Variants in PTPN14 observed in about 807,000 individuals in gnomAD.
The protein encoded by PTPN14 is protein tyrosine phosphatase non-receptor type 14.
In PTPN14, 53 loss-of-function variants were observed where a neutral mutation model predicts 126.8. The ratio of observed to expected loss-of-function variants is 0.42; its 90% confidence interval spans 0.34 to 0.53. PTPN14 has a LOEUF of 0.53. Among genes scored for constraint, PTPN14 ranks in the 20% least tolerant of loss-of-function variants. PTPN14 has a pLI of 0.08. For synonymous variants in PTPN14, 630 were observed against 599.3 expected (o/e 1.05, Z -0.75); for missense variants, 1,257 against 1,552.9 (o/e 0.81, Z 3.20).
intron 2 of PTPN14, among the ~76,000 whole-genome samples, chr1:214,455,291 G>A (rs771898954): frequency 1.3e-5 from 2 of 152,184 alleles, no homozygotes; most frequent in Non-Finnish European, 2.9e-5. Context: ...TTTGAAAGCT[G>A]AGCTTAGCTG....
chr1:214,501,357 A>C (rs943876793), intron 1 of PTPN14, among the ~76,000 whole-genome samples: 1 of 152,092 alleles, frequency 6.6e-6, no homozygotes, highest in Non-Finnish European at 1.5e-5. Context: ...CTCCTGCCTC[A>C]GCCTCCCGAG....
At chr1:214,507,097 A>T (rs569630311) in intron 1 of PTPN14, among the ~76,000 whole-genome samples, 1 of 152,288 alleles carries the variant, frequency 6.6e-6, no homozygotes, top group East Asian at 1.9e-4. Context: ...GTGATATGCA[A>T]ATGTTATTTG....
intron 11 of PTPN14, among the ~76,000 whole-genome samples, chr1:214,388,494 C>A (rs1658675981): frequency 6.6e-6 from 1 of 151,982 alleles, no homozygotes; most frequent in Non-Finnish European, 1.5e-5. Context: ...GCAACCTCCG[C>A]CTCCCGGGTT....
At position 214,359,036 on chromosome 1, in the gene PTPN14, G is replaced by A. The variant is rs926925761; in HGVS notation, c.3436-986C>T. Among the ~76,000 whole-genome samples the A allele has an allele frequency of 4.6e-5, 7 of 151,862 alleles. No homozygotes were observed. The South Asian group carries it at 8.4e-4, about 18-fold the overall frequency. On this transcript the variant is annotated intron_variant, in intron 18 of 18. Transcript: ENST00000366956. ...TGGGATTACAGGCGTGAGCCACCCC[G>A]CCTGACCTCATTATTCCTTTATTAA...
intron 17 of PTPN14, among the ~76,000 whole-genome samples, chr1:214,369,166 CAT>C (rs1399374456): frequency 3.3e-5 from 5 of 152,174 alleles, no homozygotes; most frequent in Admixed American, 1.3e-4. Flanking sequence ...CTTGTTGTAA[CAT>C]GTGTCAGAAT....
chr1:214,498,419 A>T (rs909832480), intron 1 of PTPN14, among the ~76,000 whole-genome samples: 1 of 152,218 alleles, frequency 6.6e-6, no homozygotes, highest in African/African-American at 2.4e-5. Context: ...AATAATTCAG[A>T]GGGATGTAAG....
At chr1:214,456,068 GA>G (rs1316355859) in intron 2 of PTPN14, among the ~76,000 whole-genome samples, 12 of 152,016 alleles carry the variant, frequency 7.9e-5, no homozygotes, top group African/African-American at 2.9e-4. Context: ...TATTAAAAGG[GA>G]AATATTTTTT....
chr1:214,497,727 T>C (rs1654565423), intron 1 of PTPN14, among the ~76,000 whole-genome samples: 1 of 152,184 alleles, frequency 6.6e-6, no homozygotes, highest in South Asian at 2.1e-4. Flanking sequence ...GCATTATGCA[T>C]AGTATAATTT....
rs72757949 is a variant in PTPN14 at position 214,364,284 on chromosome 1, C to T, written c.3435+228G>A. On this transcript the variant is annotated intron_variant, in intron 18 of 18. Transcript: ENST00000366956. The surrounding 1 kb of genome is among the most constrained non-coding windows in gnomAD (Gnocchi z 4.1). ...TTTCTAAGTGTTTTCTATTGCACAC[C>T]CTCATTTCTCCTGTTTTATCTGGGT... 0.19 allele frequency among the ~76,000 whole-genome samples: 28,170 copies of T among 151,686 alleles called. 3,507 individuals are homozygous for T. The highest frequency in any genetic ancestry group is 0.27 in the Non-Finnish European group (18,408 of 67,910).
rs946829687 is a variant in PTPN14, at chr1:214,407,383, C to T, written c.510+4301G>A. On this transcript the variant is annotated intron_variant, in intron 5 of 18. Coordinates refer to ENST00000366956, the MANE Select transcript of PTPN14 (RefSeq NM_005401.5). ...CTCTACTAAAAATACAAAAAATTAG[C>T]TGGGCATGGTGGTGGGCATCTGTAA... Among the ~76,000 whole-genome samples, 6 of 152,000 alleles carry T rather than the reference C, an allele frequency of 3.9e-5. No homozygotes were observed. The East Asian group carries it at 5.8e-4, about 15-fold the overall frequency.
At chr1:214,515,184 T>G (rs989319366) in intron 1 of PTPN14, among the ~76,000 whole-genome samples, 2 of 152,198 alleles carry the variant, frequency 1.3e-5, no homozygotes, top group Non-Finnish European at 2.9e-5. Context: ...AAAAGCCTTA[T>G]TTCAGTGATT....
At chr1:214,533,490 C>T (rs1655610886) in intron 1 of PTPN14, 2 of 476,158 alleles carry the variant, frequency 4.2e-6, no homozygotes, top group Admixed American at 3.1e-5. Flanking sequence ...AAGCAGGGTA[C>T]CCTTTGGGGA....
intron 6 of PTPN14, 59 bp from the exon 7 acceptor site, chr1:214,401,831 A>C: frequency 7.3e-7 from 1 of 1,375,368 alleles, no homozygotes; most frequent in South Asian, 1.2e-5. Flanking sequence ...GGAAGATCCC[A>C]CTCTCCTGAT....
At chr1:214,387,028 C>T (rs1658635698) in intron 11 of PTPN14, 106 bp from the exon 12 acceptor site, 5 of 981,848 alleles carry the variant, frequency 5.1e-6, no homozygotes, top group South Asian at 1.5e-5. Context: ...GTAAGGGAGG[C>T]TCGTGGCAGC....
At position 214,383,401 on chromosome 1, in the gene PTPN14, C is replaced by T; in HGVS notation, c.2454G>A (p.Glu818=). The T allele has an allele frequency of 1.2e-6, 2 of 1,614,230 alleles. No individual in the cohort carries two copies. The highest frequency in any genetic ancestry group is 2.2e-5 in the East Asian group (1 of 44,874). ...CCTTCACAGGCTCTTTTTTGACCCG[C>T]TCCTTCACACTAGTCAGGTCGGGTT... The part of the protein sequence containing the change: ...ISEPDLTSVK[E]RVKKEPVKER... The change falls in exon 13 of 19, where the codon GAG becomes GAA. Residue 818 remains glutamate, a synonymous_variant. Coordinates refer to ENST00000366956, the MANE Select transcript of PTPN14 (RefSeq NM_005401.5). The surrounding 1 kb of genome is among the most constrained non-coding windows in gnomAD (Gnocchi z 4.4).
chr1:214,427,783 T>G (rs1329970363), intron 3 of PTPN14, among the ~76,000 whole-genome samples: 1 of 151,462 alleles, frequency 6.6e-6, no homozygotes, highest in Non-Finnish European at 1.5e-5. Flanking sequence ...TGAGCAAAGA[T>G]CTGAAAAAAA....
chr1:214,419,130 A>AAT (rs1179191006), intron 3 of PTPN14, among the ~76,000 whole-genome samples: 1 of 152,216 alleles, frequency 6.6e-6, no homozygotes, highest in Non-Finnish European at 1.5e-5. Flanking sequence ...ATCCAAATTT[A>AAT]ATAGCACATA....
chr1:214,505,454 G>A (rs1190803992), intron 1 of PTPN14, among the ~76,000 whole-genome samples: 1 of 152,198 alleles, frequency 6.6e-6, no homozygotes, highest in Admixed American at 6.5e-5. Context: ...GTCCCTTCGG[G>A]GGGGTGGGGT....
At chr1:214,395,547 A>G (rs1455327641) in intron 8 of PTPN14, among the ~76,000 whole-genome samples, 1 of 150,790 alleles carries the variant, frequency 6.6e-6, no homozygotes, top group Non-Finnish European at 1.5e-5. Flanking sequence ...CTAAGTATAA[A>G]TTAATTGACT....
Sources: allele counts gnomAD v4.1 joint callset (sites outside exome capture counted in the v4.1 genomes callset), GRCh38; gene constraint gnomAD v4.1.1; non-coding constraint Gnocchi (gnomAD v3.1); transcripts MANE v1.5; gene names NCBI Gene and HGNC (gene_info 2026-07-23, HGNC 2026-07-21).